The following GALNTL6 variants were observed in gnomAD, a reference collection of about 807,000 sequenced individuals.
GALNTL6 encodes polypeptide N-acetylgalactosaminyltransferase like 6, also known as polypeptide N-acetylgalactosaminyltransferase-like 6.
Under a neutral mutation model 73.7 loss-of-function variants are expected in GALNTL6, and 46 were observed. That is an observed-to-expected ratio of 0.62 (90% CI 0.49 to 0.80). The LOEUF is 0.80. Among genes scored for constraint, GALNTL6 ranks in the 30% least tolerant of loss-of-function variants. The pLI, the probability that GALNTL6 is intolerant of heterozygous loss-of-function variation, is 0.00. For missense variants in GALNTL6, 604 were observed against 755.0 expected, an observed-to-expected ratio of 0.80 and a Z score of 2.34; for synonymous variants, 259 against 263.7, an observed-to-expected ratio of 0.98 and a Z score of 0.17.
In GALNTL6 at chr4:172,684,818, G is replaced by A. The variant is rs115635272; in HGVS notation, c.554-124543G>A. ...TTTTCTCTCTCCTATGCCTTTGCTCGTGCTGCCTTCTGCATCTGAAATGAT... is the reference window on the plus strand; with the variant it reads ...TTTTCTCTCTCCTATGCCTTTGCTCATGCTGCCTTCTGCATCTGAAATGAT... On this transcript the variant is annotated intron_variant, in intron 5 of 12. Coordinates refer to ENST00000506823, the MANE Select transcript of GALNTL6 (RefSeq NM_001034845.3). Among the ~76,000 whole-genome samples, 597 of 152,106 alleles carry A rather than the reference G, an allele frequency of 3.9e-3. 4 individuals are homozygous for A. Among genetic ancestry groups the A allele is most frequent in the Non-Finnish European group, 6.3e-3 (427 of 67,990 alleles).
intron 2 of GALNTL6, among the ~76,000 whole-genome samples, chr4:171,855,564 T>C (rs1170833363): frequency 6.6e-6 from 1 of 152,236 alleles, no homozygotes; most frequent in Admixed American, 6.5e-5. Flanking sequence ...GAAATTATAA[T>C]AAATGCTGTA....
chr4:172,149,912 G>T (rs181150050), intron 2 of GALNTL6, among the ~76,000 whole-genome samples: 1 of 152,164 alleles, frequency 6.6e-6, no homozygotes, highest in Non-Finnish European at 1.5e-5. Flanking sequence ...GAGAATGGTT[G>T]GGGCAGAACA....
chr4:172,841,105 C>T (rs146710005), intron 7 of GALNTL6, among the ~76,000 whole-genome samples: 492 of 152,332 alleles, frequency 3.2e-3, no homozygotes, highest in Middle Eastern at 0.024. Flanking sequence ...TCCAGGGAAA[C>T]TCAACTGGCA....
intron 2 of GALNTL6, among the ~76,000 whole-genome samples, chr4:172,016,099 A>G (rs1431046097): frequency 6.6e-6 from 1 of 151,498 alleles, no homozygotes; most frequent in Non-Finnish European, 1.5e-5. Flanking sequence ...TTGTATTTGC[A>G]TGTCTAGATC....
chr4:171,898,848 T>C (rs1056649083), intron 2 of GALNTL6, among the ~76,000 whole-genome samples: 1 of 152,074 alleles, frequency 6.6e-6, no homozygotes, highest in African/African-American at 2.4e-5. Context: ...CTAGTGAATA[T>C]TTTTGTATAT....
chr4:172,842,813 A>G (rs892773972), intron 7 of GALNTL6, among the ~76,000 whole-genome samples: 4 of 151,960 alleles, frequency 2.6e-5, no homozygotes, highest in Non-Finnish European at 1.5e-5. Flanking sequence ...ATACAAAATT[A>G]TAAATTTCTC....
chr4:172,294,357 TTAGATG>T (rs1178521884), intron 3 of GALNTL6, among the ~76,000 whole-genome samples: 5 of 152,212 alleles, frequency 3.3e-5, no homozygotes, highest in African/African-American at 1.2e-4. Context: ...GCCCATTTTC[TTAGATG>T]TAGTTAAAAA....
chr4:171,934,080 A>G (rs770982686), intron 2 of GALNTL6, among the ~76,000 whole-genome samples: 2 of 152,172 alleles, frequency 1.3e-5, no homozygotes, highest in Non-Finnish European at 2.9e-5. Context: ...TTATTTCTAT[A>G]TACTCTGAAG....
intron 2 of GALNTL6, among the ~76,000 whole-genome samples, chr4:171,940,485 C>T (rs1738496434): frequency 6.6e-6 from 1 of 151,788 alleles, no homozygotes; most frequent in African/African-American, 2.4e-5. Flanking sequence ...CTTTTGTAAC[C>T]AAACAATATT....
At chr4:172,331,523 A>G (rs1741126524) in intron 4 of GALNTL6, among the ~76,000 whole-genome samples, 1 of 152,222 alleles carries the variant, frequency 6.6e-6, no homozygotes, top group South Asian at 2.1e-4. Flanking sequence ...AGGCTGGTTG[A>G]TTAGTAGCTT....
chr4:172,359,991 T>C (rs1052267600), intron 5 of GALNTL6, among the ~76,000 whole-genome samples: 3 of 152,316 alleles, frequency 2.0e-5, no homozygotes, highest in Non-Finnish European at 4.4e-5. Context: ...TGTTTTGCCT[T>C]GCTCCAGATC....
intron 2 of GALNTL6, among the ~76,000 whole-genome samples, chr4:172,102,541 G>A (rs564882355): frequency 2.0e-5 from 3 of 152,032 alleles, no homozygotes; most frequent in South Asian, 4.2e-4. Context: ...ACAATTGAGA[G>A]GTATTTCCAC....
At chr4:172,703,482 TA>T (rs2111298624) in intron 5 of GALNTL6, among the ~76,000 whole-genome samples, 1 of 152,142 alleles carries the variant, frequency 6.6e-6, no homozygotes, top group East Asian at 1.9e-4. Flanking sequence ...TTTGTTGATG[TA>T]GTGTATCATA....
At chr4:172,380,113 TG>T in intron 5 of GALNTL6, 1 of 997,378 alleles carries the variant, frequency 1.0e-6, no homozygotes, top group Non-Finnish European at 1.6e-6. Flanking sequence ...ACTGCTCCTC[TG>T]CATCATTTGC....
At chr4:172,395,124 T>C (rs1743802007) in intron 5 of GALNTL6, among the ~76,000 whole-genome samples, 1 of 152,230 alleles carries the variant, frequency 6.6e-6, no homozygotes, top group Non-Finnish European at 1.5e-5. Flanking sequence ...AGAAGCATTC[T>C]ATATTTATGA....
intron 5 of GALNTL6, among the ~76,000 whole-genome samples, chr4:172,448,839 G>A (rs938169403): frequency 6.6e-6 from 1 of 151,976 alleles, no homozygotes; most frequent in Non-Finnish European, 1.5e-5. Flanking sequence ...ACCTCACCAG[G>A]GGCAGAAATT....
intron 7 of GALNTL6, among the ~76,000 whole-genome samples, chr4:172,841,722 TG>T (rs1743219963): frequency 6.6e-6 from 1 of 152,122 alleles, no homozygotes; most frequent in Non-Finnish European, 1.5e-5. Context: ...AAGAACAGCA[TG>T]GGGGAAACCA....
At chr4:172,866,619 T>C (rs998634654) in intron 7 of GALNTL6, among the ~76,000 whole-genome samples, 1 of 152,156 alleles carries the variant, frequency 6.6e-6, no homozygotes, top group African/African-American at 2.4e-5. Context: ...GTCCCTCCGC[T>C]CAACCAGCCT....
Position 172,191,166 on chromosome 4 carries a change from T to G in GALNTL6, c.139-38490T>G, listed in dbSNP as rs77259309. On this transcript the variant is annotated intron_variant, in intron 2 of 12. Transcript: ENST00000506823. ...AATTTCAATGCTCTTTCAGCTTTGT[T>G]TACCTATGAATGACTTCTTTGTTCA... 6.2e-3 allele frequency among the ~76,000 whole-genome samples: 949 copies of G among 152,340 alleles called. 8 individuals carry two copies. The highest frequency in any genetic ancestry group is 0.044 in the Middle Eastern group (13 of 294).
Sources: gnomAD v4.1 joint callset for allele counts (sites outside exome capture counted in the v4.1 genomes callset) on GRCh38, gnomAD v4.1.1 for gene constraint, MANE v1.5 for transcripts, NCBI Gene and HGNC (gene_info 2026-07-23, HGNC 2026-07-21) for gene names.